Variants in DDX10 observed in about 807,000 individuals in gnomAD.
DDX10 encodes probable ATP-dependent RNA helicase DDX10.
In DDX10, 74 loss-of-function variants were observed where a neutral mutation model predicts 104.3. The observed-to-expected ratio is 0.71, with a 90% confidence interval of 0.59 to 0.86. DDX10 has a LOEUF of 0.86. Ranked by LOEUF, DDX10 falls within the 40% of genes least tolerant of loss-of-function variation. DDX10 has a pLI of 0.00. For synonymous variants in DDX10, 351 were observed against 353.4 expected (o/e 0.99, Z 0.08); for missense variants, 952 against 1,040.0 (o/e 0.92, Z 1.16).
At chr11:108,706,659 G>A in intron 9 of DDX10, 80 bp from the exon 10 acceptor site, 1 of 1,105,646 alleles carries the variant, frequency 9.0e-7, no homozygotes, top group South Asian at 1.3e-5. Flanking sequence ...TGGTTTCCAT[G>A]TTTACCTATG....
At chr11:108,786,075 TTC>T (rs920449223) in intron 13 of DDX10, among the ~76,000 whole-genome samples, 6 of 152,188 alleles carry the variant, frequency 3.9e-5, no homozygotes, top group Non-Finnish European at 8.8e-5. Flanking sequence ...GAATTTTTAT[TTC>T]TGTCCTGATT....
In DDX10 at chr11:108,911,556, C is replaced by CTTT. The variant is rs869132450; in HGVS notation, c.2305-6288_2305-6286dup. Reference sequence around the variant, plus strand: ...GTTCCCAAAAGCTTTGCCTCCTCTTCTTTTTTTTTTTTTTTTTTTTTTTTT... The same window carrying CTTT: ...GTTCCCAAAAGCTTTGCCTCCTCTTCTTTTTTTTTTTTTTTTTTTTTTTTTTTT... On this transcript the variant is annotated intron_variant, in intron 16 of 17. Coordinates refer to ENST00000322536, the MANE Select transcript of DDX10 (RefSeq NM_004398.4). Among the ~76,000 whole-genome samples, 8 of 63,760 alleles carry CTTT rather than the reference C, an allele frequency of 1.3e-4. 1 individual carries two copies. The highest frequency in any genetic ancestry group is 4.0e-4 in the African/African-American group (6 of 14,970). The allele number at this position is 63,760 out of a possible 152,430, so 41.8% of individuals were successfully genotyped here.
chr11:108,677,192 A>T lies in DDX10; in HGVS notation c.486A>T (p.Arg162=), dbSNP rs1196818610. ...ELAYQTFEVL[R]KVGKNHDFSA... ...CCTATCAGACCTTTGAGGTTCTCCG[A>T]AAAGTAGGAAAGAATCATGACTTCT... Residue 162 remains arginine (R), a synonymous_variant, in exon 4 of 18, where the codon CGA becomes CGT. Transcript: ENST00000322536. 3.1e-6 allele frequency: 5 copies of T among 1,613,948 alleles called. No individual in the cohort carries two copies. Among genetic ancestry groups the T allele is most frequent in the Admixed American group, 1.7e-5 (1 of 60,020 alleles).
intron 13 of DDX10, chr11:108,767,789 A>G (rs900524001): frequency 2.0e-5 from 3 of 152,188 alleles, no homozygotes; most frequent in Admixed American, 2.0e-4. Context: ...TTGAACTGTG[A>G]GAGTCCACTT....
intron 14 of DDX10, among the ~76,000 whole-genome samples, chr11:108,840,963 G>A (rs551418037): frequency 6.6e-5 from 10 of 152,296 alleles, no homozygotes; most frequent in African/African-American, 2.2e-4. Flanking sequence ...TACTCAGCCC[G>A]ACTCCTACTG....
chr11:108,818,529 C>T (rs188582386), intron 13 of DDX10, among the ~76,000 whole-genome samples: 40 of 152,282 alleles, frequency 2.6e-4, no homozygotes, highest in Admixed American at 9.8e-4. Context: ...AAATTTTAGT[C>T]AACTCAACCT....
chr11:108,813,691 C>G (rs1286271113), intron 13 of DDX10, among the ~76,000 whole-genome samples: 1 of 152,080 alleles, frequency 6.6e-6, no homozygotes, highest in Non-Finnish European at 1.5e-5. Context: ...AATTCTAGTA[C>G]TTTTATGGTT....
intron 11 of DDX10, among the ~76,000 whole-genome samples, chr11:108,718,687 C>T (rs550447160): frequency 2.0e-5 from 3 of 152,258 alleles, no homozygotes; most frequent in African/African-American, 4.8e-5. Flanking sequence ...TTGGTTGTCA[C>T]GCATGGTTTA....
intron 13 of DDX10, among the ~76,000 whole-genome samples, chr11:108,766,536 G>A (rs1215795198): frequency 3.3e-5 from 5 of 152,108 alleles, no homozygotes; most frequent in African/African-American, 1.2e-4. Flanking sequence ...ACTATGTGAC[G>A]TGTTTGTTTT....
At chr11:108,786,429 T>C (rs747863252) in intron 13 of DDX10, among the ~76,000 whole-genome samples, 1 of 152,208 alleles carries the variant, frequency 6.6e-6, no homozygotes, top group Non-Finnish European at 1.5e-5. Context: ...GTGATCTGTC[T>C]AATGCTGTCA....
At chr11:108,805,957 T>A (rs1056673909) in intron 13 of DDX10, among the ~76,000 whole-genome samples, 5 of 152,042 alleles carry the variant, frequency 3.3e-5, no homozygotes, top group African/African-American at 1.2e-4. Context: ...TTTTTTAAAA[T>A]TTATTTTATT....
At chr11:108,805,626 A>C (rs1285290020) in intron 13 of DDX10, among the ~76,000 whole-genome samples, 1 of 151,982 alleles carries the variant, frequency 6.6e-6, no homozygotes, top group Non-Finnish European at 1.5e-5. Context: ...CTTGTGTTAC[A>C]TTGCTGAGTT....
At chr11:108,923,228 G>C (rs779765680) in intron 17 of DDX10, among the ~76,000 whole-genome samples, 5 of 152,102 alleles carry the variant, frequency 3.3e-5, no homozygotes, top group Non-Finnish European at 7.4e-5. Flanking sequence ...TGGTCTGCTG[G>C]GAACTGCACA....
At chr11:108,881,248 T>C (rs1863224006) in intron 16 of DDX10, among the ~76,000 whole-genome samples, 1 of 152,204 alleles carries the variant, frequency 6.6e-6, no homozygotes, top group Non-Finnish European at 1.5e-5. Context: ...GTTTTATGAC[T>C]GCCCTCCATA....
At chr11:108,930,190 C>G (rs1863959271) in intron 17 of DDX10, among the ~76,000 whole-genome samples, 2 of 152,220 alleles carry the variant, frequency 1.3e-5, no homozygotes, top group South Asian at 4.1e-4. Context: ...CTTGCAACCA[C>G]TGGTCTTTTT....
chr11:108,825,480 T>C (rs1355080741), intron 13 of DDX10, among the ~76,000 whole-genome samples: 3 of 152,206 alleles, frequency 2.0e-5, no homozygotes, highest in Non-Finnish European at 4.4e-5. Context: ...AATGTTCGTA[T>C]TGGCAGTATC....
intron 13 of DDX10, among the ~76,000 whole-genome samples, chr11:108,785,706 A>AAGTG (rs1861781725): frequency 6.6e-6 from 1 of 151,942 alleles, no homozygotes; most frequent in Admixed American, 6.6e-5. Context: ...AGATTTTCTA[A>AAGTG]TTTGTGTATG....
intron 16 of DDX10, among the ~76,000 whole-genome samples, chr11:108,905,386 C>CA (rs1402565985): frequency 1.8e-3 from 19 of 10,536 alleles, no homozygotes; most frequent in African/African-American, 2.0e-3. Context: ...TTTTATAGTA[C>CA]GTCTTTATAT....
intron 13 of DDX10, among the ~76,000 whole-genome samples, chr11:108,780,816 A>G (rs2094377147): frequency 6.6e-6 from 1 of 152,232 alleles, no homozygotes; most frequent in African/African-American, 2.4e-5. Flanking sequence ...ATTAAATGAA[A>G]TTCTCAAGAG....
Sources: allele counts gnomAD v4.1 joint callset (sites outside exome capture counted in the v4.1 genomes callset), GRCh38; gene constraint gnomAD v4.1.1; transcripts MANE v1.5; gene names NCBI Gene and HGNC (gene_info 2026-07-23, HGNC 2026-07-21).